The following UNC13B variants were observed in gnomAD, a reference collection of about 807,000 sequenced individuals.
The protein encoded by UNC13B is protein unc-13 homolog B.
Under a neutral mutation model 211.0 loss-of-function variants are expected in UNC13B, and 144 were observed. That is an observed-to-expected ratio of 0.68 (90% CI 0.60 to 0.78). UNC13B has a LOEUF of 0.78. Among genes scored for constraint, UNC13B ranks in the 30% least tolerant of loss-of-function variants. The probability of loss-of-function intolerance (pLI) is 0.00; values close to 1 mark genes in which losing one functional copy is unlikely to be tolerated. For missense variants in UNC13B, 1,777 were observed against 2,002.0 expected (o/e 0.89, Z 2.14); for synonymous variants, 709 against 725.8 (o/e 0.98, Z 0.37).
At chr9:35,231,017 A>G in intron 2 of UNC13B, 103 bp from the exon 3 acceptor site, 2 of 727,004 alleles carry the variant, frequency 2.8e-6, no homozygotes, top group Non-Finnish European at 4.5e-6. Flanking sequence ...TTTCCTGCAC[A>G]TGTAATACTT....
intron 1 of UNC13B, among the ~76,000 whole-genome samples, chr9:35,193,230 A>C (rs769046091): frequency 2.6e-5 from 4 of 152,196 alleles, no homozygotes; most frequent in Non-Finnish European, 5.9e-5. Flanking sequence ...TTTGAGCTCT[A>C]TATCCTGCTA....
At chr9:35,282,466 T>C (rs1429314832) in intron 7 of UNC13B, among the ~76,000 whole-genome samples, 3 of 152,190 alleles carry the variant, frequency 2.0e-5, no homozygotes, top group Non-Finnish European at 4.4e-5. Context: ...AGTCTCACTC[T>C]GTCACCCAGG....
intron 11 of UNC13B, among the ~76,000 whole-genome samples, chr9:35,327,101 A>G (rs574128749): frequency 5.3e-5 from 8 of 152,240 alleles, no homozygotes; most frequent in African/African-American, 1.7e-4. Flanking sequence ...TCTCTTGCCT[A>G]TCTCTGGGGA....
chr9:35,292,740 T>C (rs1439624477), intron 7 of UNC13B, among the ~76,000 whole-genome samples: 1 of 152,242 alleles, frequency 6.6e-6, no homozygotes, highest in Admixed American at 6.5e-5. Context: ...TGAGTAGGTG[T>C]TCCCAGCCTT....
rs1564201121 is a variant in UNC13B, at chr9:35,400,304, C to T, written c.12345C>T (p.Phe4115=). ...GCTCTTTTATCTTGCAGCAATACTT[C>T]CATGCAGGAGGCAATGGGCTGAAGA... is the stretch of plus-strand genomic sequence containing the variant. The part of the protein sequence containing the change: ...DLALDTIKQY[F]HAGGNGLKKT... Residue 4115 remains phenylalanine (F), a synonymous_variant, in exon 37 of 40, where the codon TTC becomes TTT. Transcript: ENST00000635942. 2.5e-6 allele frequency: 4 copies of T among 1,613,848 alleles called. No individual in the cohort carries two copies. Among genetic ancestry groups the T allele is most frequent in the Non-Finnish European group, 1.7e-6 (2 of 1,179,814 alleles).
intron 11 of UNC13B, chr9:35,352,107 G>T: frequency 8.1e-7 from 1 of 1,232,222 alleles, no homozygotes; most frequent in Non-Finnish European, 1.0e-6. Flanking sequence ...TTACAGGTGA[G>T]CACCTGTTCC....
At chr9:35,381,493 A>G (rs546235325) in intron 19 of UNC13B, 63 bp from the exon 20 acceptor site, 5 of 1,538,024 alleles carry the variant, frequency 3.3e-6, no homozygotes, top group African/African-American at 1.4e-5. Flanking sequence ...CTTTACCACC[A>G]AGTTTGTTTT....
At position 35,295,826 on chromosome 9, in the gene UNC13B, G is replaced by A. The variant is rs758755780; in HGVS notation, c.657G>A (p.Pro219=). 1.1e-5 allele frequency: 18 copies of A among 1,613,938 alleles called. No individual in the cohort carries two copies. The highest frequency in any genetic ancestry group is 1.6e-4 in the Middle Eastern group (1 of 6,084). Residue 219 remains proline (P), a synonymous_variant, in exon 8 of 40, where the codon CCG becomes CCA. Transcript: ENST00000635942. Reference sequence around the variant, plus strand: ...CTTCTGTGCACCAGTTCCCTGTGCCGGTGCGATCGCCACAGCAGCTGCTAC... The same window carrying A: ...CTTCTGTGCACCAGTTCCCTGTGCCAGTGCGATCGCCACAGCAGCTGCTAC... The part of the protein sequence containing the change: ...PNASVHQFPV[P]VRSPQQLLLQ...
intron 6 of UNC13B, among the ~76,000 whole-genome samples, chr9:35,257,766 A>T (rs1827019494): frequency 6.6e-6 from 1 of 152,058 alleles, no homozygotes; most frequent in Non-Finnish European, 1.5e-5. Context: ...TATATTTTAT[A>T]TACAAAAAGT....
intron 1 of UNC13B, among the ~76,000 whole-genome samples, chr9:35,221,400 A>G (rs1443065607): frequency 6.6e-6 from 1 of 152,136 alleles, no homozygotes; most frequent in East Asian, 1.9e-4. Context: ...ATATCTATTC[A>G]GGTCTTTTGC....
chr9:35,378,478 T>C (rs766848691), intron 17 of UNC13B, 42 bp downstream of exon 17: 39 of 1,611,856 alleles, frequency 2.4e-5, no homozygotes, highest in African/African-American at 4.0e-5. Context: ...ACTGTGTGTA[T>C]TGGGGGAGCA....
chr9:35,399,659 T>C lies in UNC13B; in HGVS notation c.12266T>C (p.Val4089Ala), dbSNP rs1008098513. 5.0e-6 allele frequency: 8 copies of C among 1,614,098 alleles called. No individual in the cohort carries two copies. In the Admixed American group the frequency reaches 5.0e-5, roughly 10 times the overall value. The change falls in exon 36 of 40, where the codon GTA (valine) becomes GCA (alanine). Residue 4089 changes from valine to alanine, a missense_variant. Val to Ala is a moderately conservative substitution (Grantham distance 64). Coordinates refer to ENST00000635942, the MANE Select transcript of UNC13B (RefSeq NM_001371189.2). ...GATTTCTCTGAACAGGATCACATGG[T>C]ACGAGAGGAAACACGGAATCTCACT... ...SHLSKLKDHMVREETRNLTPK... is the reference protein window; with the variant it reads ...SHLSKLKDHMAREETRNLTPK...
intron 1 of UNC13B, among the ~76,000 whole-genome samples, chr9:35,201,934 G>T (rs1823323846): frequency 6.6e-6 from 1 of 152,100 alleles, no homozygotes; most frequent in African/African-American, 2.4e-5. Context: ...TGACGTTAGG[G>T]TGTGAATTTT....
intron 13 of UNC13B, among the ~76,000 whole-genome samples, chr9:35,372,360 T>G (rs1201832774): frequency 2.6e-5 from 4 of 152,268 alleles, no homozygotes; most frequent in African/African-American, 9.6e-5. Flanking sequence ...ATATTATGAC[T>G]TCTGCCTTCT....
chr9:35,395,156 C>G (rs1835791135), intron 26 of UNC13B, among the ~76,000 whole-genome samples: 1 of 152,024 alleles, frequency 6.6e-6, no homozygotes, highest in Admixed American at 6.6e-5. Context: ...TTTTTTCACT[C>G]TCTTTGTTGC....
intron 37 of UNC13B, 145 bp downstream of exon 37, chr9:35,400,588 G>A (rs970439961): frequency 3.1e-6 from 3 of 969,958 alleles, no homozygotes; most frequent in Non-Finnish European, 4.5e-6. Flanking sequence ...TGCTTGATGG[G>A]ACCTCAGTAC....
At chr9:35,221,530 G>A (rs1035261362) in intron 1 of UNC13B, among the ~76,000 whole-genome samples, 8 of 152,042 alleles carry the variant, frequency 5.3e-5, no homozygotes, top group African/African-American at 1.7e-4. Context: ...TCATTCTGTC[G>A]GTTGTCTCTT....
intron 1 of UNC13B, among the ~76,000 whole-genome samples, chr9:35,182,908 C>T (rs1822021785): frequency 6.6e-6 from 1 of 152,140 alleles, no homozygotes; most frequent in African/African-American, 2.4e-5. Flanking sequence ...ATCTCTCTTT[C>T]TTTTCCCCAC....
chr9:35,389,756 A>C, intron 24 of UNC13B, 90 bp from the exon 25 acceptor site: 2 of 1,420,544 alleles, frequency 1.4e-6, no homozygotes, highest in Admixed American at 3.5e-5. Context: ...GAGGTATAGG[A>C]AGGGGAAGAG....
Sources: allele counts gnomAD v4.1 joint callset (sites outside exome capture counted in the v4.1 genomes callset), GRCh38; gene constraint gnomAD v4.1.1; transcripts MANE v1.5; gene names NCBI Gene and HGNC (gene_info 2026-07-23, HGNC 2026-07-21).